The following MDGA1 variants were observed in gnomAD, a reference collection of about 807,000 sequenced individuals.
The protein encoded by MDGA1 is MAM domain containing glycosylphosphatidylinositol anchor 1, also known as MAM domain-containing glycosylphosphatidylinositol anchor protein 1.
A neutral mutation model predicts 101.5 loss-of-function variants in MDGA1; 54 were observed. The observed-to-expected ratio is 0.53, with a 90% CI of 0.43 to 0.67. MDGA1 has a LOEUF of 0.67. Among genes scored for constraint, MDGA1 ranks in the 30% least tolerant of loss-of-function variants. The probability of loss-of-function intolerance (pLI) is 0.00; values close to 1 mark genes in which losing one functional copy is unlikely to be tolerated. For synonymous variants in MDGA1, 533 were observed against 558.3 expected (o/e 0.95, Z 0.64); for missense variants, 1,083 against 1,323.8 (o/e 0.82, Z 2.82).
rs1464927544 is a variant in MDGA1 at position 37,696,685 on chromosome 6, G to A, written c.67+60C>T. The stretch of plus-strand genomic sequence containing the variant: ...CAAACCCCGGCAGCGCGCACTTTGC[G>A]CCTCTTGCAAAGTTTCCGCGCGAGG... On this transcript the variant is annotated intron_variant, in intron 1 of 16. Coordinates refer to ENST00000434837, the MANE Select transcript of MDGA1 (RefSeq NM_153487.4). The surrounding 1 kb of genome is among the most constrained non-coding windows in gnomAD (Gnocchi z 5.6). 1 of 1,487,340 alleles carries A rather than the reference G, an allele frequency of 6.7e-7. No homozygotes were observed. Among genetic ancestry groups the A allele is most frequent in the Non-Finnish European group, 9.2e-7 (1 of 1,088,242 alleles). 92.1% of individuals were successfully genotyped at this position (1,487,340 alleles called of 1,614,324 possible).
intron 1 of MDGA1, among the ~76,000 whole-genome samples, chr6:37,668,547 A>G (rs1761803962): frequency 6.6e-6 from 1 of 152,360 alleles, no homozygotes; most frequent in East Asian, 1.9e-4. Context: ...AAGTTCTGGT[A>G]TCTTCATACA....
intron 3 of MDGA1, 68 bp downstream of exon 3, chr6:37,658,177 A>C: frequency 6.9e-7 from 1 of 1,450,548 alleles, no homozygotes; most frequent in Non-Finnish European, 9.1e-7. Flanking sequence ...ACCTCACCTC[A>C]TCCCTGGGGC....
chr6:37,672,346 G>A (rs1265854433), intron 1 of MDGA1, among the ~76,000 whole-genome samples: 1 of 151,728 alleles, frequency 6.6e-6, no homozygotes, highest in East Asian at 1.9e-4. Context: ...CTAGCTAAGA[G>A]GGAGGATTGC....
At chr6:37,644,682 C>T in intron 12 of MDGA1, 33 bp from the exon 13 acceptor site, 1 of 1,501,614 alleles carries the variant, frequency 6.7e-7, no homozygotes, top group Non-Finnish European at 8.9e-7. Context: ...GACAAAGAGT[C>T]AGCCTCTTCA....
At chr6:37,690,812 C>T (rs1165507682) in intron 1 of MDGA1, among the ~76,000 whole-genome samples, 15 of 151,086 alleles carry the variant, frequency 9.9e-5, no homozygotes, top group Admixed American at 2.6e-4. Flanking sequence ...CCAGCCCTAA[C>T]GGCCCCAGTT....
At chr6:37,643,717 C>G in intron 14 of MDGA1, 92 bp downstream of exon 14, 2 of 1,548,798 alleles carry the variant, frequency 1.3e-6, no homozygotes, top group Middle Eastern at 1.8e-4. Flanking sequence ...GCTGAGGCCT[C>G]ACATGGGCCA....
At chr6:37,678,436 G>A (rs146630616) in intron 1 of MDGA1, among the ~76,000 whole-genome samples, 1 of 152,156 alleles carries the variant, frequency 6.6e-6, no homozygotes, top group Non-Finnish European at 1.5e-5. Context: ...TCCCTTGCCT[G>A]CTGTAGTCTG....
At chr6:37,651,331 A>G (rs1381686875) in intron 7 of MDGA1, among the ~76,000 whole-genome samples, 1 of 152,272 alleles carries the variant, frequency 6.6e-6, no homozygotes, top group African/African-American at 2.4e-5. Context: ...ATTGCACATT[A>G]CATCAAACAA....
chr6:37,651,615 T>C (rs72847420), intron 7 of MDGA1, among the ~76,000 whole-genome samples: 1 of 20,014 alleles, frequency 5.0e-5, no homozygotes, highest in Admixed American at 7.2e-4. Flanking sequence ...CCTGCTCTAG[T>C]TCTACTAAGA....
intron 1 of MDGA1, among the ~76,000 whole-genome samples, chr6:37,675,113 T>C (rs2114077792): frequency 6.6e-6 from 1 of 152,206 alleles, no homozygotes; most frequent in East Asian, 1.9e-4. Context: ...ACACAGGTCA[T>C]CTCCAATCAG....
At chr6:37,666,823 T>C (rs1321393154) in intron 1 of MDGA1, among the ~76,000 whole-genome samples, 2 of 152,192 alleles carry the variant, frequency 1.3e-5, no homozygotes, top group Admixed American at 6.5e-5. Context: ...GAGGGGTCCA[T>C]GGAAAAGGTA....
chr6:37,683,043 A>T (rs1762129009), intron 1 of MDGA1, among the ~76,000 whole-genome samples: 1 of 152,202 alleles, frequency 6.6e-6, no homozygotes, highest in African/African-American at 2.4e-5. Flanking sequence ...GCAGTCTTCT[A>T]GTCTAGACTG....
At chr6:37,664,844 C>G (rs936780703) in intron 1 of MDGA1, among the ~76,000 whole-genome samples, 5 of 46,332 alleles carry the variant, frequency 1.1e-4, no homozygotes, top group Admixed American at 8.6e-4. Context: ...TAACCTAAGA[C>G]ACACACACAC....
At chr6:37,644,089 C>A in intron 13 of MDGA1, 146 bp from the exon 14 acceptor site, 1 of 531,364 alleles carries the variant, frequency 1.9e-6, no homozygotes, top group Non-Finnish European at 2.6e-6. Flanking sequence ...TCCTGCCTCA[C>A]CCCACACATC....
At chr6:37,649,333 G>T in intron 8 of MDGA1, 67 bp from the exon 9 acceptor site, 1 of 1,412,746 alleles carries the variant, frequency 7.1e-7, no homozygotes, top group Non-Finnish European at 9.1e-7. Context: ...GTGGCCCGTG[G>T]GGAGGCAACG....
chr6:37,643,736 C>T, intron 14 of MDGA1, 73 bp downstream of exon 14: 1 of 1,587,046 alleles, frequency 6.3e-7, no homozygotes, highest in Non-Finnish European at 8.6e-7. Context: ...CAGCCCATCG[C>T]CTCCTGTGGA....
rs966467932 is a variant in MDGA1, at chr6:37,635,620, G to A, written c.*1748C>T. 22 of 398,636 alleles carry A rather than the reference G, an allele frequency of 5.5e-5. No individual in the cohort carries two copies. The highest frequency in any genetic ancestry group is 3.1e-4 in the Admixed American group (7 of 22,734). The allele number at this position is 398,636 out of a possible 1,614,324, so 24.7% of individuals were successfully genotyped here. A position where few individuals can be genotyped will look rare whatever the true frequency, so the allele number is the denominator to read the frequency against. On this transcript the variant is annotated 3_prime_UTR_variant, in exon 17 of 17. Coordinates refer to ENST00000434837, the MANE Select transcript of MDGA1 (RefSeq NM_153487.4). ...TGGGCAGCCTTTGCCTCGGTTCCCC[G>A]CCTGCCTCCTGGCACTGCAGTGCTG... is the stretch of plus-strand genomic sequence containing the variant.
chr6:37,660,036 CTT>C (rs11438604), intron 2 of MDGA1, among the ~76,000 whole-genome samples: 1 of 142,878 alleles, frequency 7.0e-6, no homozygotes, highest in Admixed American at 6.9e-5. Flanking sequence ...TTATCTCTCT[CTT>C]TTTTTTTTTT....
At chr6:37,647,439 G>A in intron 9 of MDGA1, 115 bp from the exon 10 acceptor site, 1 of 584,212 alleles carries the variant, frequency 1.7e-6, no homozygotes, top group Non-Finnish European at 2.9e-6. Context: ...AGGGGACGGA[G>A]AAACAAAGAG....
Sources: allele counts gnomAD v4.1 joint callset (sites outside exome capture counted in the v4.1 genomes callset), GRCh38; gene constraint gnomAD v4.1.1; non-coding constraint Gnocchi (gnomAD v3.1); transcripts MANE v1.5; gene names NCBI Gene and HGNC (gene_info 2026-07-23, HGNC 2026-07-21).